The following NELL1 variants were observed in gnomAD, a reference collection of about 807,000 sequenced individuals.
NELL1 encodes neural EGFL like 1, also known as protein kinase C-binding protein NELL1.
In NELL1, 76 loss-of-function variants were observed where a neutral mutation model predicts 107.4. The ratio of observed to expected loss-of-function variants is 0.71; its 90% CI spans 0.59 to 0.86. The LOEUF is 0.86. NELL1 is among the 40% of genes least tolerant of loss of function. The pLI, the probability that NELL1 is intolerant of heterozygous loss-of-function variation, is 0.00. For missense variants in NELL1, 1,024 were observed against 1,005.5 expected (o/e 1.02, Z -0.25); for synonymous variants, 353 against 341.2 (o/e 1.03, Z -0.38).
At chr11:21,099,116 A>G (rs1854731069) in intron 12 of NELL1, among the ~76,000 whole-genome samples, 1 of 151,822 alleles carries the variant, frequency 6.6e-6, no homozygotes, top group African/African-American at 2.4e-5. Flanking sequence ...TTCCACTCAA[A>G]AGGCATAAAT....
At chr11:21,134,817 T>A (rs1299203702) in intron 13 of NELL1, among the ~76,000 whole-genome samples, 1 of 152,212 alleles carries the variant, frequency 6.6e-6, no homozygotes, top group Non-Finnish European at 1.5e-5. Context: ...ATTGGAGGTA[T>A]GACTGAATAG....
chr11:21,486,453 A>C (rs1163367332), intron 15 of NELL1, among the ~76,000 whole-genome samples: 2 of 152,176 alleles, frequency 1.3e-5, no homozygotes, highest in Non-Finnish European at 2.9e-5. Context: ...CCCACCAACA[A>C]CATATCTACA....
intron 15 of NELL1, among the ~76,000 whole-genome samples, chr11:21,421,089 G>A (rs7105208): frequency 0.029 from 4,363 of 152,192 alleles, 215 homozygotes; most frequent in African/African-American, 0.097. Flanking sequence ...AAAACACATT[G>A]TATTTATGAA....
chr11:21,013,219 G>A (rs2134289939), intron 12 of NELL1, among the ~76,000 whole-genome samples: 1 of 152,184 alleles, frequency 6.6e-6, no homozygotes, highest in South Asian at 2.1e-4. Flanking sequence ...TTTTGCAAAG[G>A]CAATTTCATC....
intron 2 of NELL1, among the ~76,000 whole-genome samples, chr11:20,754,386 G>A (rs1856211889): frequency 6.6e-6 from 1 of 152,182 alleles, no homozygotes; most frequent in Non-Finnish European, 1.5e-5. Flanking sequence ...ATGTTGACCT[G>A]AAGGATGAAC....
At chr11:20,968,016 C>A (rs1018958227) in intron 12 of NELL1, among the ~76,000 whole-genome samples, 1 of 152,184 alleles carries the variant, frequency 6.6e-6, no homozygotes, top group African/African-American at 2.4e-5. Context: ...GCCCTTCACT[C>A]AGATCTTTCC....
intron 15 of NELL1, among the ~76,000 whole-genome samples, chr11:21,455,875 CTTTTTTT>C (rs59224815): frequency 2.8e-5 from 4 of 144,072 alleles, no homozygotes; most frequent in Non-Finnish European, 3.0e-5. Context: ...TCTTTCTTTT[CTTTTTTT>C]TTTTTTAAGT....
chr11:20,837,116 A>G (rs1333873710), intron 3 of NELL1, among the ~76,000 whole-genome samples: 1 of 152,168 alleles, frequency 6.6e-6, no homozygotes, highest in East Asian at 1.9e-4. Flanking sequence ...ATGTAGGACT[A>G]AAGGCGGAAG....
chr11:21,222,243 G>A (rs1386995486), intron 13 of NELL1, among the ~76,000 whole-genome samples: 2 of 151,998 alleles, frequency 1.3e-5, no homozygotes, highest in Admixed American at 6.6e-5. Flanking sequence ...GCAGTGGTGC[G>A]ATCTTGGCTC....
chr11:21,142,612 T>G (rs545882710), intron 13 of NELL1, among the ~76,000 whole-genome samples: 2 of 152,328 alleles, frequency 1.3e-5, no homozygotes, highest in East Asian at 3.9e-4. Flanking sequence ...GCCGAGGTAG[T>G]GTGGTTCTGA....
intron 16 of NELL1, among the ~76,000 whole-genome samples, chr11:21,552,063 C>G (rs1234117484): frequency 6.9e-6 from 1 of 144,176 alleles, no homozygotes. Flanking sequence ...TGCATATTCT[C>G]ACTCATAGGT....
At chr11:20,999,227 T>C (rs952068774) in intron 12 of NELL1, among the ~76,000 whole-genome samples, 2 of 152,156 alleles carry the variant, frequency 1.3e-5, no homozygotes, top group Non-Finnish European at 2.9e-5. Flanking sequence ...CAACCTTCTG[T>C]TTAGTTCCTT....
chr11:20,925,391 A>T (rs1259819750), intron 7 of NELL1, among the ~76,000 whole-genome samples: 1 of 149,980 alleles, frequency 6.7e-6, no homozygotes, highest in East Asian at 2.0e-4. Context: ...AGAGATTCTC[A>T]TGTCTCAGCC....
chr11:20,797,604 A>G (rs1383496268), intron 3 of NELL1, among the ~76,000 whole-genome samples: 1 of 148,864 alleles, frequency 6.7e-6, no homozygotes, highest in Non-Finnish European at 1.5e-5. Flanking sequence ...AGGTTGCTGC[A>G]GTATTCTAGA....
At chr11:21,285,950 G>A (rs770254942) in intron 14 of NELL1, among the ~76,000 whole-genome samples, 7 of 152,104 alleles carry the variant, frequency 4.6e-5, no homozygotes, top group Non-Finnish European at 8.8e-5. Context: ...AAAACACAAT[G>A]ACTGTAAAAA....
At chr11:21,371,055 T>C (rs1255041900) in intron 15 of NELL1, 107 bp downstream of exon 15, 68 of 851,466 alleles carry the variant, frequency 8.0e-5, no homozygotes, top group Non-Finnish European at 1.2e-4. Context: ...GTTGACTTGA[T>C]ACATTGTGTT....
intron 15 of NELL1, among the ~76,000 whole-genome samples, chr11:21,440,809 T>C (rs1195458620): frequency 6.6e-6 from 1 of 152,132 alleles, no homozygotes; most frequent in Non-Finnish European, 1.5e-5. Flanking sequence ...AACAAAGATA[T>C]TAATTCCATT....
intron 12 of NELL1, among the ~76,000 whole-genome samples, chr11:21,083,758 A>G (rs374802127): frequency 7.2e-5 from 11 of 152,318 alleles, no homozygotes; most frequent in African/African-American, 2.2e-4. Context: ...CTGTCATTCA[A>G]CTTTAAACTT....
intron 5 of NELL1, among the ~76,000 whole-genome samples, chr11:20,900,797 A>C (rs188373569): frequency 6.6e-6 from 1 of 152,228 alleles, no homozygotes; most frequent in East Asian, 1.9e-4. Context: ...GAACAAGTTG[A>C]TTATTTCAAT....
Sources: allele counts gnomAD v4.1 joint callset (sites outside exome capture counted in the v4.1 genomes callset), GRCh38; gene constraint gnomAD v4.1.1; transcripts MANE v1.5; gene names NCBI Gene and HGNC (gene_info 2026-07-23, HGNC 2026-07-21).